Variants in C10orf90 observed in about 807,000 individuals in gnomAD.
C10orf90 encodes the protein chromosome 10 open reading frame 90, also known as (E2-independent) E3 ubiquitin-conjugating enzyme FATS.
C10orf90 carries 56 observed loss-of-function variants against 62.5 expected under a neutral mutation model. That is an observed-to-expected ratio of 0.90 (90% confidence interval 0.72 to 1.12). The LOEUF is 1.12. C10orf90 is among the 50% of genes most tolerant of loss of function. The pLI, the probability that C10orf90 is intolerant of heterozygous loss-of-function variation, is 0.00. For missense variants in C10orf90, 970 were observed against 880.4 expected (o/e 1.10, Z -1.29); for synonymous variants, 386 against 340.4 (o/e 1.13, Z -1.47).
intron 4 of C10orf90, among the ~76,000 whole-genome samples, chr10:126,499,584 C>T (rs1198833726): frequency 2.0e-5 from 3 of 152,150 alleles, no homozygotes; most frequent in Non-Finnish European, 1.5e-5. Context: ...AGATAAGCCT[C>T]ACTCGCTATT....
intron 3 of C10orf90, among the ~76,000 whole-genome samples, chr10:126,509,013 G>A (rs1331238683): frequency 6.6e-6 from 1 of 152,168 alleles, no homozygotes; most frequent in Non-Finnish European, 1.5e-5. Flanking sequence ...GCTGAGGGAT[G>A]CCCCCAGGCT....
At chr10:126,515,248 G>A in intron 2 of C10orf90, among the ~76,000 whole-genome samples, 1 of 152,312 alleles carries the variant, frequency 6.6e-6, no homozygotes, top group Non-Finnish European at 1.5e-5. Flanking sequence ...TTAAATAAAA[G>A]TAGTGTAGCC....
At chr10:126,469,399 T>C (rs1648864129) in intron 4 of C10orf90, among the ~76,000 whole-genome samples, 1 of 152,078 alleles carries the variant, frequency 6.6e-6, no homozygotes, top group South Asian at 2.1e-4. Flanking sequence ...AACCAACCAC[T>C]CAACCAAAAA....
intron 2 of C10orf90, among the ~76,000 whole-genome samples, chr10:126,517,364 C>T (rs1048777816): frequency 6.6e-6 from 1 of 152,152 alleles, no homozygotes; most frequent in Admixed American, 6.5e-5. Flanking sequence ...GTTAAAGAAA[C>T]GGGCAGAGGG....
intron 2 of C10orf90, among the ~76,000 whole-genome samples, chr10:126,584,158 T>C (rs1220506986): frequency 6.7e-6 from 1 of 149,744 alleles, no homozygotes; most frequent in Non-Finnish European, 1.5e-5. Flanking sequence ...GGGGAAACTC[T>C]CAGCAGCAAC....
intron 2 of C10orf90, among the ~76,000 whole-genome samples, chr10:126,590,464 A>G (rs1257103103): frequency 6.6e-6 from 1 of 152,202 alleles, no homozygotes; most frequent in South Asian, 2.1e-4. Flanking sequence ...AGCAAATACA[A>G]AAGAACTGAA....
chr10:126,540,470 G>A (rs1357038086), intron 2 of C10orf90, among the ~76,000 whole-genome samples: 1 of 152,070 alleles, frequency 6.6e-6, no homozygotes, highest in African/African-American at 2.4e-5. Flanking sequence ...ACCAGCCTGG[G>A]CAACACAGTG....
intron 4 of C10orf90, among the ~76,000 whole-genome samples, chr10:126,491,611 C>T (rs934886493): frequency 6.6e-5 from 10 of 152,204 alleles, no homozygotes; most frequent in Middle Eastern, 3.2e-3. Flanking sequence ...CACTTAGGAG[C>T]ATCTGAAAGA....
At chr10:126,639,591 C>T (rs550744121) in intron 2 of C10orf90, among the ~76,000 whole-genome samples, 1 of 152,320 alleles carries the variant, frequency 6.6e-6, no homozygotes, top group South Asian at 2.1e-4. Flanking sequence ...CTGTCCCCCA[C>T]ATGTCCACCC....
chr10:126,532,473 T>C (rs1255551234), intron 2 of C10orf90, among the ~76,000 whole-genome samples: 1 of 151,924 alleles, frequency 6.6e-6, no homozygotes, highest in Non-Finnish European at 1.5e-5. Flanking sequence ...CCAGTGGGTT[T>C]TACAGAGTTT....
intron 3 of C10orf90, among the ~76,000 whole-genome samples, chr10:126,507,677 C>T (rs80025437): frequency 0.014 from 2,066 of 152,162 alleles, 33 homozygotes; most frequent in African/African-American, 0.047. Flanking sequence ...GTTGTCAGCC[C>T]AGGGTTCATC....
intron 2 of C10orf90, among the ~76,000 whole-genome samples, chr10:126,560,168 C>T (rs1457199641): frequency 6.6e-6 from 1 of 152,146 alleles, no homozygotes; most frequent in Non-Finnish European, 1.5e-5. Flanking sequence ...TCCCCTTGGC[C>T]AGCAAGAATT....
chr10:126,581,177 T>C (rs1397984192), intron 2 of C10orf90, among the ~76,000 whole-genome samples: 1 of 152,212 alleles, frequency 6.6e-6, no homozygotes, highest in Non-Finnish European at 1.5e-5. Flanking sequence ...TTCCTCCGTC[T>C]CATGTAGCCT....
At chr10:126,429,727 C>G in intron 8 of C10orf90, 60 bp downstream of exon 8, 1 of 1,422,994 alleles carries the variant, frequency 7.0e-7, no homozygotes, top group Non-Finnish European at 9.9e-7. Flanking sequence ...GCACCTGAAG[C>G]CATCAAACCA....
At chr10:126,492,901 CTTCAGAAAA>C (rs1208855993) in intron 4 of C10orf90, among the ~76,000 whole-genome samples, 1 of 152,090 alleles carries the variant, frequency 6.6e-6, no homozygotes, top group East Asian at 1.9e-4. Flanking sequence ...AGAAATCTGG[CTTCAGAAAA>C]TCACATAAAA....
intron 2 of C10orf90, among the ~76,000 whole-genome samples, chr10:126,567,839 C>G (rs1844424341): frequency 6.6e-6 from 1 of 152,178 alleles, no homozygotes; most frequent in African/African-American, 2.4e-5. Flanking sequence ...GGAGAAGAAG[C>G]CTCGAGTGGC....
intron 2 of C10orf90, among the ~76,000 whole-genome samples, chr10:126,560,339 G>T (rs2133986995): frequency 6.6e-6 from 1 of 152,258 alleles, no homozygotes; most frequent in Non-Finnish European, 1.5e-5. Context: ...TACTTCATTG[G>T]CAAACTATTT....
chr10:126,536,229 T>C (rs1055369669), intron 2 of C10orf90, among the ~76,000 whole-genome samples: 15 of 152,146 alleles, frequency 9.9e-5, no homozygotes, highest in African/African-American at 3.6e-4. Context: ...GATACTACTT[T>C]GAACTTGGGG....
At chr10:126,545,314 C>T (rs571138565) in intron 2 of C10orf90, among the ~76,000 whole-genome samples, 1 of 152,280 alleles carries the variant, frequency 6.6e-6, no homozygotes, top group African/African-American at 2.4e-5. Flanking sequence ...ACTGGTTTTC[C>T]AATATCCTAA....
Sources: allele counts gnomAD v4.1 joint callset (sites outside exome capture counted in the v4.1 genomes callset), GRCh38; gene constraint gnomAD v4.1.1; transcripts MANE v1.5; gene names NCBI Gene and HGNC (gene_info 2026-07-23, HGNC 2026-07-21).